Variants in SLC24A2 observed in about 807,000 individuals in gnomAD.
SLC24A2 encodes the protein sodium/potassium/calcium exchanger 2.
SLC24A2 carries 36 observed loss-of-function variants against 62.0 expected under a neutral mutation model. The ratio of observed to expected loss-of-function variants is 0.58; its 90% CI spans 0.44 to 0.77. The LOEUF (loss-of-function observed/expected upper bound fraction) is 0.77. Ranked by LOEUF, SLC24A2 falls within the 30% of genes least tolerant of loss-of-function variation. SLC24A2 has a pLI of 0.00. For missense variants in SLC24A2, 846 were observed against 817.9 expected, an observed-to-expected ratio of 1.03 and a Z score of -0.42; for synonymous variants, 358 against 294.0, an observed-to-expected ratio of 1.22 and a Z score of -2.23.
chr9:19,641,624 CCTGCCTCAGTCTCCCAAGTAG>C (rs1818496469), intron 2 of SLC24A2, among the ~76,000 whole-genome samples: 1 of 151,546 alleles, frequency 6.6e-6, no homozygotes, highest in Non-Finnish European at 1.5e-5. Context: ...AAGCGATTCT[CCTGCCTCAGTCTCCCAAGTAG>C]CTGGGACCAC....
chr9:20,160,129 G>C, the SLC24A2 span, among the ~76,000 whole-genome samples: 1 of 151,260 alleles, frequency 6.6e-6, no homozygotes, highest in Non-Finnish European at 1.5e-5. Context: ...TCATAAGAAA[G>C]CTGAGGTTGC....
chr9:19,664,765 G>A (rs1161721772), intron 2 of SLC24A2, among the ~76,000 whole-genome samples: 1 of 152,150 alleles, frequency 6.6e-6, no homozygotes, highest in Non-Finnish European at 1.5e-5. Flanking sequence ...TGATGATAGA[G>A]GCAGAGACTG....
chr9:20,304,450 T>C, the SLC24A2 span, among the ~76,000 whole-genome samples: 3 of 152,178 alleles, frequency 2.0e-5, no homozygotes, highest in Admixed American at 1.3e-4. Flanking sequence ...AATACAGAGA[T>C]AGAGATAATT....
chr9:19,676,707 G>T (rs897140309), intron 2 of SLC24A2, among the ~76,000 whole-genome samples: 1 of 152,140 alleles, frequency 6.6e-6, no homozygotes, highest in Non-Finnish European at 1.5e-5. Context: ...TCCCATTCCA[G>T]TTAAAATGTC....
the SLC24A2 span, among the ~76,000 whole-genome samples, chr9:20,228,360 G>T: frequency 6.6e-6 from 1 of 152,048 alleles, no homozygotes; most frequent in Non-Finnish European, 1.5e-5. Flanking sequence ...AGCGCTCTGA[G>T]TTGGGGGTCA....
At chr9:20,219,666 C>G in the SLC24A2 span, among the ~76,000 whole-genome samples, 1 of 152,122 alleles carries the variant, frequency 6.6e-6, no homozygotes, top group Non-Finnish European at 1.5e-5. Context: ...ATAATTAACT[C>G]AGAACACTTG....
the SLC24A2 span, among the ~76,000 whole-genome samples, chr9:20,277,997 A>G: frequency 3.9e-5 from 6 of 152,148 alleles, no homozygotes; most frequent in Admixed American, 3.3e-4. Flanking sequence ...CAGAAAACCA[A>G]ACTCTCCATG....
chr9:20,166,537 A>G, the SLC24A2 span, among the ~76,000 whole-genome samples: 2 of 152,016 alleles, frequency 1.3e-5, no homozygotes, highest in Non-Finnish European at 2.9e-5. Context: ...TAGGTGAAAA[A>G]ATAACAATGT....
intron 2 of SLC24A2, among the ~76,000 whole-genome samples, chr9:19,754,336 G>A (rs1822070894): frequency 1.3e-5 from 2 of 152,200 alleles, no homozygotes; most frequent in South Asian, 4.1e-4. Flanking sequence ...GTAGGACTTG[G>A]AGCATGACAA....
the SLC24A2 span, among the ~76,000 whole-genome samples, chr9:20,258,762 A>AT: frequency 2.1e-5 from 3 of 146,088 alleles, no homozygotes; most frequent in Non-Finnish European, 4.5e-5. Flanking sequence ...ATCTCCTCTC[A>AT]TTTATCTATC....
the SLC24A2 span, among the ~76,000 whole-genome samples, chr9:19,986,855 G>C: frequency 6.6e-6 from 1 of 152,156 alleles, no homozygotes; most frequent in African/African-American, 2.4e-5. Context: ...GTTGGAATTA[G>C]ATAGAGGTGG....
chr9:20,180,833 C>T, the SLC24A2 span, among the ~76,000 whole-genome samples: 1 of 152,150 alleles, frequency 6.6e-6, no homozygotes, highest in Non-Finnish European at 1.5e-5. Flanking sequence ...AAGAGCTTTG[C>T]TTTCTCTTAA....
the SLC24A2 span, among the ~76,000 whole-genome samples, chr9:19,980,878 G>A: frequency 5.9e-5 from 9 of 152,288 alleles, 1 homozygote; most frequent in East Asian, 1.5e-3. Context: ...AGTGAAGGAA[G>A]CCTCTGTATA....
the SLC24A2 span, among the ~76,000 whole-genome samples, chr9:20,103,597 G>A: frequency 1.3e-5 from 2 of 152,226 alleles, no homozygotes; most frequent in South Asian, 2.1e-4. Flanking sequence ...AGGGTCTGGA[G>A]TGGACCTCCA....
chr9:20,217,142 T>A, the SLC24A2 span, among the ~76,000 whole-genome samples: 1 of 152,102 alleles, frequency 6.6e-6, no homozygotes, highest in Non-Finnish European at 1.5e-5. Context: ...ACAATAAGAA[T>A]GAAAAATCTG....
chr9:19,927,419 A>T, the SLC24A2 span: 1 of 152,220 alleles, frequency 6.6e-6, no homozygotes, highest in Non-Finnish European at 1.5e-5. Context: ...TGCGGATCTA[A>T]TGAAAGTCAA....
the SLC24A2 span, among the ~76,000 whole-genome samples, chr9:20,047,187 C>T: frequency 6.6e-6 from 1 of 152,148 alleles, no homozygotes; most frequent in Non-Finnish European, 1.5e-5. Flanking sequence ...GAACGGGCAA[C>T]AGGACCTAGC....
the SLC24A2 span, among the ~76,000 whole-genome samples, chr9:20,012,618 G>C: frequency 2.0e-5 from 3 of 152,086 alleles, no homozygotes; most frequent in South Asian, 2.1e-4. Flanking sequence ...ATGATGACAT[G>C]ATCTTATATA....
intron 2 of SLC24A2, among the ~76,000 whole-genome samples, chr9:19,720,909 T>C (rs1178144611): frequency 6.7e-6 from 1 of 149,198 alleles, no homozygotes; most frequent in Non-Finnish European, 1.5e-5. Context: ...TCTACCAGCA[T>C]CACATATTTC....
Sources: gnomAD v4.1 joint callset for allele counts (sites outside exome capture counted in the v4.1 genomes callset) on GRCh38, gnomAD v4.1.1 for gene constraint, MANE v1.5 for transcripts, NCBI Gene and HGNC (gene_info 2026-07-23, HGNC 2026-07-21) for gene names.